The following BTD variants were observed in gnomAD, a reference collection of about 807,000 sequenced individuals.
BTD encodes the protein biotinidase, also known as biocytinase.
Under a neutral mutation model 17.7 loss-of-function variants are expected in BTD, and 13 were observed. That is an observed-to-expected ratio of 0.74 (90% CI 0.48 to 1.17). The LOEUF is 1.17. Ranked by LOEUF, BTD falls within the 50% of genes most tolerant of loss-of-function variation. The probability of loss-of-function intolerance (pLI) is 0.00; values close to 1 mark genes in which losing one functional copy is unlikely to be tolerated. For missense variants in BTD, 674 were observed against 650.4 expected (o/e 1.04, Z -0.39); for synonymous variants, 240 against 245.2 (o/e 0.98, Z 0.20).
chr3:15,617,710 G>A (rs913768756), intron 1 of BTD, among the ~76,000 whole-genome samples: 1 of 152,182 alleles, frequency 6.6e-6, no homozygotes, highest in Non-Finnish European at 1.5e-5. Flanking sequence ...GCAACATAGC[G>A]AGACCTCATT....
At chr3:15,612,007 G>A (rs1037019968) in intron 1 of BTD, among the ~76,000 whole-genome samples, 4 of 150,478 alleles carry the variant, frequency 2.7e-5, no homozygotes, top group African/African-American at 7.3e-5. Flanking sequence ...ACAACTCCTT[G>A]GACATACTTA....
chr3:15,643,027 C>CAAAAA (rs200265982), intron 3 of BTD, among the ~76,000 whole-genome samples: 1 of 99,316 alleles, frequency 1.0e-5, no homozygotes, highest in African/African-American at 4.9e-5. Flanking sequence ...AACTCTGCCT[C>CAAAAA]AAAAAAAAAA....
chr3:15,704,173 A>G (rs1380659126), intron 3 of BTD, among the ~76,000 whole-genome samples: 1 of 152,152 alleles, frequency 6.6e-6, no homozygotes, highest in Non-Finnish European at 1.5e-5. Context: ...TAGCAGCCAT[A>G]TATTTGTTTG....
chr3:15,715,432 CTCA>C (rs751316284), downstream of BTD, among the ~76,000 whole-genome samples: 5 of 152,130 alleles, frequency 3.3e-5, no homozygotes, highest in Admixed American at 1.3e-4. Context: ...TTTAAAAATC[CTCA>C]TGTCTTTATA....
chr3:15,701,047 A>C (rs1222854028), intron 3 of BTD, among the ~76,000 whole-genome samples: 1 of 152,232 alleles, frequency 6.6e-6, no homozygotes, highest in African/African-American at 2.4e-5. Flanking sequence ...TTCTTTAATC[A>C]AATACTCCTT....
In BTD at chr3:15,694,457, A is replaced by G. The variant is rs565181214; in HGVS notation, c.400-15603A>G. 4.6e-5 allele frequency among the ~76,000 whole-genome samples: 7 copies of G among 151,460 alleles called. No homozygotes were observed. The East Asian group carries it at 1.4e-3, about 29-fold the overall frequency. On this transcript the variant is annotated intron_variant, in intron 3 of 3. Transcript: ENST00000672141. The stretch of plus-strand genomic sequence containing the variant: ...ATTCACCATCACAGGCATATTCTCC[A>G]TATTTTCTCCCTTTCTCTCCCCAGA...
At chr3:15,719,593 AAGGTCTCACCTGTCGCCC>A (rs1302829147) in intron 4 of BTD, among the ~76,000 whole-genome samples, 8 of 152,206 alleles carry the variant, frequency 5.3e-5, no homozygotes, top group Non-Finnish European at 1.2e-4. Flanking sequence ...CATTTGAGGC[AAGGTCTCACCTGTCGCCC>A]AGGCTAGAGT....
At chr3:15,658,586 T>G (rs1458192350), downstream of BTD, among the ~76,000 whole-genome samples, 1 of 152,000 alleles carries the variant, frequency 6.6e-6, no homozygotes, top group Non-Finnish European at 1.5e-5. Flanking sequence ...CAAGATCCCC[T>G]AACAACACAG....
chr3:15,651,953 C>A lies in BTD; in HGVS notation c.*6465C>A, dbSNP rs1269887216. Among the ~76,000 whole-genome samples the A allele has an allele frequency of 6.6e-6, 1 of 152,192 alleles. No individual in the cohort carries two copies. The highest frequency in any genetic ancestry group is 1.5e-5 in the Non-Finnish European group (1 of 68,030). ...TGCTGGTATCCGTTGTACAACACTT[C>A]CCACATTTTTCTGGGGTCGTTTTGT... On this transcript the variant is annotated 3_prime_UTR_variant, in exon 4 of 4. Coordinates refer to ENST00000643237, the MANE Select transcript of BTD (RefSeq NM_001370658.1).
chr3:15,701,177 A>G (rs2070547055), intron 3 of BTD, among the ~76,000 whole-genome samples: 1 of 152,364 alleles, frequency 6.6e-6, no homozygotes, highest in East Asian at 1.9e-4. Flanking sequence ...CATTATTTCA[A>G]TGCTAACACT....
At chr3:15,602,606 A>G (rs1360781239) in intron 1 of BTD, among the ~76,000 whole-genome samples, 1 of 152,170 alleles carries the variant, frequency 6.6e-6, no homozygotes, top group East Asian at 1.9e-4. Flanking sequence ...ATTTGGAGTC[A>G]TTTTAAGCAA....
chr3:15,675,987 G>T, intron 3 of BTD: 1 of 1,610,564 alleles, frequency 6.2e-7, no homozygotes, highest in East Asian at 2.2e-5. Context: ...AACATGCAGA[G>T]GTCTAGGGGA....
chr3:15,674,503 C>A (rs1029511559), intron 3 of BTD, among the ~76,000 whole-genome samples: 2 of 152,130 alleles, frequency 1.3e-5, no homozygotes, highest in African/African-American at 4.8e-5. Context: ...TCTGCACATT[C>A]TAGGTTTAAG....
chr3:15,706,898 G>T (rs2071514555), intron 3 of BTD, among the ~76,000 whole-genome samples: 2 of 152,084 alleles, frequency 1.3e-5, no homozygotes. Context: ...CTTTAGAGAA[G>T]TGTCTGTTCA....
At position 15,641,908 on chromosome 3, in the gene BTD, G is replaced by A; in HGVS notation, c.250G>A (p.Asp84Asn). 1 of 1,602,890 alleles carries A rather than the reference G, an allele frequency of 6.2e-7. No individual in the cohort carries two copies. Among genetic ancestry groups the A allele is most frequent in the African/African-American group, 1.3e-5 (1 of 74,856 alleles). ...EQQVMTAAQK[D>N]VQIIVFPEDG... ...TATTCTTTGATGTTTTCATTTTCAG[G>A]ATGTACAGATTATAGTGTTTCCAGA... is the stretch of plus-strand genomic sequence containing the variant. Residue 84 changes from aspartate (D) to asparagine (N), a missense_variant and splice_region_variant, in exon 3 of 4, where the codon GAT (aspartate) becomes AAT (asparagine). Asp to Asn is a conservative substitution (Grantham distance 23, BLOSUM62 1). Coordinates refer to ENST00000643237, the MANE Select transcript of BTD (RefSeq NM_001370658.1).
Position 15,635,535 on chromosome 3 carries a change from T to C in BTD, c.96T>C (p.His32=). ...CCGGGGAGGAGAGCGTGGCTGACCA[T>C]CACGAGGCTGAATATTATGTGGCTG... ...AHTGEESVAD[H]HEAEYYVAAV... The change falls in exon 2 of 4, where the codon CAT becomes CAC. Residue 32 remains histidine (H), a synonymous_variant. Coordinates refer to ENST00000643237, the MANE Select transcript of BTD (RefSeq NM_001370658.1). This position sits in a 1 kb window ranked among gnomAD's most constrained non-coding sequence, Gnocchi z 4.1. 2 of 1,614,128 alleles carry C rather than the reference T, an allele frequency of 1.2e-6. No individual in the cohort carries two copies. Among genetic ancestry groups the C allele is most frequent in the Non-Finnish European group, 1.7e-6 (2 of 1,180,028 alleles).
chr3:15,709,657 T>C, intron 3 of BTD: 1 of 1,564,044 alleles, frequency 6.4e-7, no homozygotes. Flanking sequence ...AGAAACTGTA[T>C]CATACCCTAC....
At chr3:15,696,251 TACA>T (rs145970527) in intron 3 of BTD, 28,281 of 1,505,866 alleles carry the variant, frequency 0.019, 350 homozygotes, top group Non-Finnish European at 0.023. Flanking sequence ...GGCACCTATA[TACA>T]ACAACAACAA....
At position 15,601,874 on chromosome 3, in the gene BTD, C is replaced by A; in HGVS notation, c.-37C>A. On this transcript the variant is annotated 5_prime_UTR_variant, in exon 1 of 4. Transcript: ENST00000643237. ...GAATGGCGCATGCGCATATTCAGGG[C>A]GGAAGGCGCGCTAAGAGCAGGTACG... 1 of 1,614,078 alleles carries A rather than the reference C, an allele frequency of 6.2e-7. No homozygotes were observed. Among genetic ancestry groups the A allele is most frequent in the Non-Finnish European group, 8.5e-7 (1 of 1,180,028 alleles).
Sources: allele counts gnomAD v4.1 joint callset (sites outside exome capture counted in the v4.1 genomes callset), GRCh38; gene constraint gnomAD v4.1.1; non-coding constraint Gnocchi (gnomAD v3.1); transcripts MANE v1.5; gene names NCBI Gene and HGNC (gene_info 2026-07-23, HGNC 2026-07-21).